Variants in ENOX1 observed in about 807,000 individuals in gnomAD.
The protein encoded by ENOX1 is candidate growth-related and time keeping constitutive hydroquinone (NADH) oxidase.
In ENOX1, 42 loss-of-function variants were observed where a neutral mutation model predicts 82.5. That is an observed-to-expected ratio of 0.51 (90% CI 0.40 to 0.66). ENOX1 has a LOEUF of 0.66. Among genes scored for constraint, ENOX1 ranks in the 30% least tolerant of loss-of-function variants. ENOX1 has a pLI of 0.00. For missense variants in ENOX1, 608 were observed against 811.6 expected (o/e 0.75, Z 3.05); for synonymous variants, 271 against 282.2 (o/e 0.96, Z 0.40).
intron 7 of ENOX1, among the ~76,000 whole-genome samples, chr13:43,359,574 T>A (rs181620724): frequency 6.6e-6 from 1 of 152,354 alleles, no homozygotes; most frequent in African/African-American, 2.4e-5. Flanking sequence ...TTAGTACTCA[T>A]AATATTGCTT....
At chr13:43,626,635 T>A (rs1366762646) in intron 2 of ENOX1, among the ~76,000 whole-genome samples, 2 of 151,922 alleles carry the variant, frequency 1.3e-5, no homozygotes, top group African/African-American at 4.8e-5. Flanking sequence ...CTAGCTTGAT[T>A]TATTTGGATC....
intron 1 of ENOX1, among the ~76,000 whole-genome samples, chr13:43,746,076 A>G (rs900202573): frequency 6.6e-6 from 1 of 152,206 alleles, no homozygotes; most frequent in Admixed American, 6.5e-5. Flanking sequence ...AGATATGTCT[A>G]TGATACATGG....
At chr13:43,764,532 C>T (rs931967785) in intron 1 of ENOX1, among the ~76,000 whole-genome samples, 3 of 151,868 alleles carry the variant, frequency 2.0e-5, no homozygotes, top group Non-Finnish European at 4.4e-5. Context: ...AATGTAAAGG[C>T]AGATAACAGC....
chr13:43,275,461 G>T (rs558919385), intron 12 of ENOX1, among the ~76,000 whole-genome samples: 1 of 152,108 alleles, frequency 6.6e-6, no homozygotes, highest in Non-Finnish European at 1.5e-5. Context: ...GATAGTGTGG[G>T]GTTAGGAGAA....
intron 2 of ENOX1, among the ~76,000 whole-genome samples, chr13:43,510,836 A>C (rs2077339083): frequency 6.6e-6 from 1 of 152,134 alleles, no homozygotes; most frequent in South Asian, 2.1e-4. Context: ...TGTGATAATT[A>C]AATAGATTAC....
At chr13:43,450,621 C>T (rs945938723) in intron 3 of ENOX1, among the ~76,000 whole-genome samples, 5 of 152,118 alleles carry the variant, frequency 3.3e-5, no homozygotes, top group African/African-American at 1.2e-4. Context: ...TAAATAATTT[C>T]AGCAGGCTCT....
At chr13:43,775,256 T>G (rs1951850083) in intron 1 of ENOX1, among the ~76,000 whole-genome samples, 1 of 152,108 alleles carries the variant, frequency 6.6e-6, no homozygotes, top group African/African-American at 2.4e-5. Flanking sequence ...GTTCAAGCAA[T>G]CCTCCCACCT....
rs1009736232 is a variant in ENOX1 at position 43,337,027 on chromosome 13, C to T, written c.1036+7511G>A. ...CTCCAGGTTGAAATGATATTGATAA[C>T]GGTACTCTAATACTCCTACTGTAAA... On this transcript the variant is annotated intron_variant, in intron 9 of 16. Coordinates refer to ENST00000690772, the MANE Select transcript of ENOX1 (RefSeq NM_001347969.2). Among the ~76,000 whole-genome samples the T allele has an allele frequency of 9.2e-5, 14 of 152,288 alleles. No individual in the cohort carries two copies. The South Asian group carries it at 1.4e-3, about 16-fold the overall frequency.
intron 2 of ENOX1, among the ~76,000 whole-genome samples, chr13:43,504,092 G>A (rs2077068720): frequency 6.6e-6 from 1 of 151,606 alleles, no homozygotes; most frequent in South Asian, 2.1e-4. Flanking sequence ...ATACTCAACA[G>A]TACCAATCAT....
chr13:43,753,186 G>A (rs1950414250), intron 1 of ENOX1, among the ~76,000 whole-genome samples: 1 of 152,064 alleles, frequency 6.6e-6, no homozygotes, highest in Non-Finnish European at 1.5e-5. Context: ...TAACTTTTAA[G>A]ATTCATCTTT....
intron 9 of ENOX1, among the ~76,000 whole-genome samples, chr13:43,340,887 A>G (rs1047379738): frequency 2.6e-5 from 4 of 152,200 alleles, no homozygotes; most frequent in African/African-American, 7.2e-5. Flanking sequence ...CTTGATATAT[A>G]TTGATGACTT....
intron 1 of ENOX1, among the ~76,000 whole-genome samples, chr13:43,751,211 T>C (rs1424507058): frequency 6.6e-6 from 1 of 152,216 alleles, no homozygotes; most frequent in East Asian, 1.9e-4. Flanking sequence ...CCTATTCATC[T>C]TTCCCAGCTC....
intron 12 of ENOX1, among the ~76,000 whole-genome samples, chr13:43,280,920 G>A (rs998373207): frequency 6.6e-6 from 1 of 152,130 alleles, no homozygotes; most frequent in African/African-American, 2.4e-5. Flanking sequence ...GAGAGGGAGA[G>A]GAAGTTTGCT....
At chr13:43,378,040 AC>A (rs140103489) in intron 5 of ENOX1, among the ~76,000 whole-genome samples, 2,179 of 152,322 alleles carry the variant, frequency 0.014, 49 homozygotes, top group African/African-American at 0.05. Flanking sequence ...CAAATGTTTG[AC>A]TTTTACTCTG....
At chr13:43,750,630 C>T (rs9595008) in intron 1 of ENOX1, among the ~76,000 whole-genome samples, 5 of 152,134 alleles carry the variant, frequency 3.3e-5, no homozygotes, top group African/African-American at 7.2e-5. Flanking sequence ...TTTTGTCAAA[C>T]GAGTCTTGGA....
intron 16 of ENOX1, among the ~76,000 whole-genome samples, chr13:43,215,992 C>T (rs1021679978): frequency 1.3e-5 from 2 of 152,066 alleles, no homozygotes; most frequent in African/African-American, 2.4e-5. Context: ...GTCAGGAGAT[C>T]GAGGCCATCT....
chr13:43,691,756 A>G (rs956480455), intron 1 of ENOX1, among the ~76,000 whole-genome samples: 22 of 148,756 alleles, frequency 1.5e-4, no homozygotes, highest in Non-Finnish European at 3.1e-4. Context: ...GCTGGAGGGC[A>G]GTGGCGCGAT....
intron 9 of ENOX1, among the ~76,000 whole-genome samples, chr13:43,335,768 C>CAAAAAAAAAAAA (rs386378967): frequency 8.6e-6 from 1 of 116,922 alleles, no homozygotes; most frequent in Non-Finnish European, 1.8e-5. Flanking sequence ...GGAAGGATAC[C>CAAAAAAAAAAAA]AAAAAAAAAA....
chr13:43,615,894 C>T (rs989673883), intron 2 of ENOX1, among the ~76,000 whole-genome samples: 4 of 151,632 alleles, frequency 2.6e-5, no homozygotes, highest in Non-Finnish European at 5.9e-5. Flanking sequence ...TTTCCAGCTA[C>T]ATCCATGTCC....
Sources: allele counts gnomAD v4.1 joint callset (sites outside exome capture counted in the v4.1 genomes callset), GRCh38; gene constraint gnomAD v4.1.1; transcripts MANE v1.5; gene names NCBI Gene and HGNC (gene_info 2026-07-23, HGNC 2026-07-21).